HIVEP3: variants seen among roughly 807,000 people sequenced by gnomAD.
The protein encoded by HIVEP3 is HIVEP zinc finger 3.
HIVEP3 carries 49 observed loss-of-function variants against 152.8 expected under a neutral mutation model. That is an observed-to-expected ratio of 0.32 (90% CI 0.26 to 0.41). HIVEP3 has a LOEUF of 0.41. Among genes scored for constraint, HIVEP3 ranks in the 10% least tolerant of loss-of-function variants. The pLI, the probability that HIVEP3 is intolerant of heterozygous loss-of-function variation, is 1.00. For missense variants in HIVEP3, 2,790 were observed against 3,103.3 expected (o/e 0.90, Z 2.40); for synonymous variants, 1,269 against 1,289.0 (o/e 0.98, Z 0.33).
intron 1 of HIVEP3, among the ~76,000 whole-genome samples, chr1:41,821,035 G>C (rs1186656526): frequency 6.6e-6 from 1 of 152,152 alleles, no homozygotes; most frequent in African/African-American, 2.4e-5. Flanking sequence ...CTTGCCCTCA[G>C]ATTATGAAGC....
At chr1:42,023,729 C>T (rs1376765177) in intron 1 of HIVEP3, among the ~76,000 whole-genome samples, 2 of 152,156 alleles carry the variant, frequency 1.3e-5, no homozygotes, top group Non-Finnish European at 2.9e-5. Flanking sequence ...TTGTAAGTTT[C>T]CTGAGACCAC....
intron 3 of HIVEP3, among the ~76,000 whole-genome samples, chr1:41,625,451 GC>G (rs1645104050): frequency 6.6e-6 from 1 of 152,200 alleles, no homozygotes; most frequent in South Asian, 2.1e-4. Flanking sequence ...CCTGGATTAG[GC>G]CCACAGGCAA....
At chr1:41,609,610 C>A (rs984333455) in intron 3 of HIVEP3, among the ~76,000 whole-genome samples, 3 of 152,248 alleles carry the variant, frequency 2.0e-5, no homozygotes, top group Non-Finnish European at 4.4e-5. Context: ...ATAATGACAC[C>A]CCTTTTTAAG....
chr1:42,014,339 A>C (rs112316449), intron 1 of HIVEP3, among the ~76,000 whole-genome samples: 3 of 152,124 alleles, frequency 2.0e-5, no homozygotes, highest in African/African-American at 7.2e-5. Context: ...GAGTTCGGGG[A>C]AAGGAGAAAG....
chr1:42,004,259 G>A (rs1645445601), intron 1 of HIVEP3, among the ~76,000 whole-genome samples: 2 of 152,190 alleles, frequency 1.3e-5, no homozygotes, highest in African/African-American at 4.8e-5. Flanking sequence ...TCCACTGTAG[G>A]CATTCTAAGC....
chr1:41,539,195 A>T (rs766779707), intron 5 of HIVEP3, among the ~76,000 whole-genome samples: 1 of 151,868 alleles, frequency 6.6e-6, no homozygotes, highest in Non-Finnish European at 1.5e-5. Context: ...ACCCTCCCAC[A>T]GGTGCATATT....
At chr1:41,561,532 T>TGA (rs1644062369) in intron 5 of HIVEP3, among the ~76,000 whole-genome samples, 1 of 148,892 alleles carries the variant, frequency 6.7e-6, no homozygotes, top group African/African-American at 2.5e-5. Context: ...TTTTTTTTTT[T>TGA]GAGACAGGGT....
chr1:41,766,494 A>G (rs1159335472), intron 1 of HIVEP3, among the ~76,000 whole-genome samples: 1 of 152,236 alleles, frequency 6.6e-6, no homozygotes, highest in African/African-American at 2.4e-5. Context: ...AGTACTTTAC[A>G]TGCACTTTCT....
At chr1:41,711,641 G>A (rs1303890250) in intron 1 of HIVEP3, among the ~76,000 whole-genome samples, 5 of 152,176 alleles carry the variant, frequency 3.3e-5, no homozygotes, top group South Asian at 2.1e-4. Flanking sequence ...TCAAATGCCC[G>A]GCTTTCGGTA....
chr1:41,612,818 C>G (rs939278319), intron 3 of HIVEP3, among the ~76,000 whole-genome samples: 27 of 152,264 alleles, frequency 1.8e-4, no homozygotes, highest in Admixed American at 1.6e-3. Context: ...GTGCCAGCCC[C>G]TGTCCCCTCC....
intron 1 of HIVEP3, among the ~76,000 whole-genome samples, chr1:41,741,233 T>A (rs761351614): frequency 2.6e-5 from 4 of 152,146 alleles, no homozygotes; most frequent in Non-Finnish European, 5.9e-5. Flanking sequence ...TCCTTTTTCT[T>A]CTCCCGGGTC....
At chr1:41,821,124 C>T (rs1374590726) in intron 1 of HIVEP3, among the ~76,000 whole-genome samples, 1 of 152,180 alleles carries the variant, frequency 6.6e-6, no homozygotes, top group Non-Finnish European at 1.5e-5. Context: ...TGGCTGCTGA[C>T]TGATAGGTGA....
chr1:41,724,053 C>T (rs553951146), intron 1 of HIVEP3, among the ~76,000 whole-genome samples: 1 of 152,080 alleles, frequency 6.6e-6, no homozygotes, highest in African/African-American at 2.4e-5. Flanking sequence ...GTTTCTCTTG[C>T]GATAATAATA....
At chr1:42,004,759 C>T (rs890892703) in intron 1 of HIVEP3, among the ~76,000 whole-genome samples, 2 of 152,152 alleles carry the variant, frequency 1.3e-5, no homozygotes, top group Non-Finnish European at 2.9e-5. Flanking sequence ...ACCTGTGAAC[C>T]CATTAGAGCT....
At chr1:41,764,946 G>A (rs549633817) in intron 1 of HIVEP3, among the ~76,000 whole-genome samples, 3 of 152,332 alleles carry the variant, frequency 2.0e-5, no homozygotes, top group African/African-American at 7.2e-5. Context: ...AGGTGGGGGT[G>A]GCATGGGATA....
intron 2 of HIVEP3, among the ~76,000 whole-genome samples, chr1:41,696,704 A>C (rs1213662241): frequency 6.6e-6 from 1 of 152,194 alleles, no homozygotes; most frequent in Admixed American, 6.5e-5. Flanking sequence ...CTGGTTCAAT[A>C]GCCCAGCTTG....
intron 5 of HIVEP3, among the ~76,000 whole-genome samples, chr1:41,553,004 T>C (rs1643912799): frequency 6.6e-6 from 1 of 152,224 alleles, no homozygotes; most frequent in African/African-American, 2.4e-5. Context: ...TCTGTAGATG[T>C]CTATTAGGTC....
intron 1 of HIVEP3, among the ~76,000 whole-genome samples, chr1:41,791,844 T>G (rs968375752): frequency 4.5e-4 from 67 of 148,388 alleles, no homozygotes; most frequent in African/African-American, 1.6e-3. Context: ...AACCCCATAC[T>G]CCACACCTAC....
At chr1:41,753,333 A>G (rs1033819047) in intron 1 of HIVEP3, among the ~76,000 whole-genome samples, 18 of 152,332 alleles carry the variant, frequency 1.2e-4, no homozygotes, top group African/African-American at 4.1e-4. Context: ...ATTCACTCCA[A>G]GGATATTCAT....
Sources: allele counts gnomAD v4.1 joint callset (sites outside exome capture counted in the v4.1 genomes callset), GRCh38; gene constraint gnomAD v4.1.1; transcripts MANE v1.5; gene names NCBI Gene and HGNC (gene_info 2026-07-23, HGNC 2026-07-21).